Variants in RYR3 observed in about 807,000 individuals in gnomAD.
RYR3 encodes the protein brain ryanodine receptor-calcium release channel.
In RYR3, 207 loss-of-function variants were observed where a neutral mutation model predicts 584.3. The ratio of observed to expected loss-of-function variants is 0.35; its 90% CI spans 0.32 to 0.40. RYR3 has a LOEUF of 0.40. Ranked by LOEUF, RYR3 falls within the 10% of genes least tolerant of loss-of-function variation. The pLI, the probability that RYR3 is intolerant of heterozygous loss-of-function variation, is 1.00. For synonymous variants in RYR3, 2,416 were observed against 2,248.5 expected, an observed-to-expected ratio of 1.07 and a Z score of -2.11; for missense variants, 5,616 against 6,089.2, an observed-to-expected ratio of 0.92 and a Z score of 2.59.
chr15:33,660,358 C>T lies in RYR3; in HGVS notation c.4557C>T (p.His1519=), dbSNP rs757477191. The change falls in exon 34 of 104, where the codon CAC becomes CAT. Residue 1519 remains histidine, a synonymous_variant. Transcript: ENST00000634891. ...AGACCGAGCGTGTGAGCGAGCGCCA[C>T]GGCTGGGTGGTGCAGTGCCTGGAGC... is the stretch of plus-strand genomic sequence containing the variant. ...KVETERVSER[H]GWVVQCLEPL... 43 of 1,591,346 alleles carry T rather than the reference C, an allele frequency of 2.7e-5. No individual in the cohort carries two copies. The highest frequency in any genetic ancestry group is 4.0e-5 in the African/African-American group (3 of 74,524).
Position 33,547,988 on chromosome 15 carries a change from C to G in RYR3, c.741-142C>G, listed in dbSNP as rs533362059. 7.7e-6 allele frequency: 5 copies of G among 650,678 alleles called. No individual in the cohort carries two copies. The African/African-American group carries it at 9.3e-5, about 12-fold the overall frequency. 40.3% of individuals were successfully genotyped at this position (650,678 alleles called of 1,614,324 possible). On this transcript the variant is annotated intron_variant, in intron 8 of 103. Transcript: ENST00000634891. ...GAGAGACTGGGAAACTGTCTTCCCT[C>G]TTATTCTGGCTTTGCATTCTGCTGA... is the stretch of plus-strand genomic sequence containing the variant.
At position 33,859,858 on chromosome 15, in the gene RYR3, C is replaced by G. The variant is rs1288253170; in HGVS notation, c.14299+127C>G. On this transcript the variant is annotated intron_variant, in intron 100 of 103. Transcript: ENST00000634891. ...CATTTACTTGTTAATTTAGCAAGAA[C>G]TAATTTAGCATCTACTATACCTGAG... The G allele has an allele frequency of 4.7e-6, 5 of 1,055,612 alleles. No individual in the cohort carries two copies. In the East Asian group the frequency reaches 1.0e-4, roughly 22 times the overall value. The allele number at this position is 1,055,612 out of a possible 1,614,324, so 65.4% of individuals were successfully genotyped here.
In RYR3 at chr15:33,566,735, C is replaced by A; in HGVS notation, c.1204C>A (p.Arg402Ser). 2 of 1,613,734 alleles carry A rather than the reference C, an allele frequency of 1.2e-6. No homozygotes were observed. Among genetic ancestry groups the A allele is most frequent in the Non-Finnish European group, 1.7e-6 (2 of 1,179,690 alleles). Residue 402 changes from arginine to serine, a missense_variant, in exon 12 of 104, where the codon CGT (arginine) becomes AGT (serine). Transcript: ENST00000634891. ...TGGATTAACACTGCAGAGATGCCAG[C>A]GTGAGGAGTCCCAGGCTGCTCGGAT... Reference protein sequence around the residue: ...DDGLTLQRCQREESQAARIIR... With the variant: ...DDGLTLQRCQSEESQAARIIR...
chr15:33,742,591 C>G, intron 52 of RYR3, 147 bp downstream of exon 52: 1 of 628,802 alleles, frequency 1.6e-6, no homozygotes, highest in Non-Finnish European at 2.8e-6. Flanking sequence ...CAGCAATTTC[C>G]CAGGGTTGGT....
intron 1 of RYR3, among the ~76,000 whole-genome samples, chr15:33,414,043 T>C (rs1178010856): frequency 2.0e-5 from 3 of 152,232 alleles, no homozygotes; most frequent in Non-Finnish European, 4.4e-5. Flanking sequence ...AACATTAAAA[T>C]GTATATCAAA....
At chr15:33,763,011 A>AT (rs1443360216) in intron 60 of RYR3, among the ~76,000 whole-genome samples, 5 of 152,214 alleles carry the variant, frequency 3.3e-5, no homozygotes, top group Non-Finnish European at 7.3e-5. Context: ...AAAACAAGCA[A>AT]TGGGGAAAGG....
At chr15:33,455,193 G>A (rs924322237) in intron 1 of RYR3, among the ~76,000 whole-genome samples, 5 of 152,148 alleles carry the variant, frequency 3.3e-5, no homozygotes, top group Non-Finnish European at 5.9e-5. Context: ...ACCTGTCACC[G>A]TGCAGGGAGG....
intron 1 of RYR3, among the ~76,000 whole-genome samples, chr15:33,403,303 G>T (rs1028771689): frequency 6.6e-6 from 1 of 152,174 alleles, no homozygotes; most frequent in Non-Finnish European, 1.5e-5. Context: ...TACCTTTAGT[G>T]AAATTAACAA....
At chr15:33,517,410 T>TG (rs1407271954) in intron 3 of RYR3, among the ~76,000 whole-genome samples, 1 of 152,236 alleles carries the variant, frequency 6.6e-6, no homozygotes, top group Non-Finnish European at 1.5e-5. Context: ...AACACTACAT[T>TG]GGAAACTCGC....
chr15:33,346,593 G>T (rs1972489465), intron 1 of RYR3, among the ~76,000 whole-genome samples: 1 of 152,194 alleles, frequency 6.6e-6, no homozygotes, highest in African/African-American at 2.4e-5. Context: ...CTGGTATTCT[G>T]TATCTACTGT....
In RYR3 at chr15:33,662,760, C is replaced by T. The variant is rs371562140; in HGVS notation, c.5230C>T (p.Arg1744Trp). ...GGGCGTGTTTGATGATGATGATGTT[C>T]GGCAGATCCTCCTCCTGATTGATCC... The part of the protein sequence containing the change: ...VMGVFDDDDV[R>W]QILLLIDPSV... The change falls in exon 35 of 104, where the codon CGG becomes TGG. Residue 1744 changes from arginine (R) to tryptophan (W), a missense_variant. Arg to Trp is a moderately radical substitution (Grantham distance 101). Coordinates refer to ENST00000634891, the MANE Select transcript of RYR3 (RefSeq NM_001036.6). 1.6e-5 allele frequency: 26 copies of T among 1,613,850 alleles called. No homozygotes were observed. Among genetic ancestry groups the T allele is most frequent in the African/African-American group, 8.0e-5 (6 of 74,852 alleles).
At chr15:33,347,019 T>C (rs1419619267) in intron 1 of RYR3, among the ~76,000 whole-genome samples, 1 of 152,102 alleles carries the variant, frequency 6.6e-6, no homozygotes, top group African/African-American at 2.4e-5. Context: ...GCTGGGAGTA[T>C]GTGTTTTGGG....
intron 2 of RYR3, among the ~76,000 whole-genome samples, chr15:33,497,585 TA>T (rs1263277820): frequency 6.6e-6 from 1 of 152,224 alleles, no homozygotes; most frequent in Admixed American, 6.5e-5. Context: ...TCTGTCTTTT[TA>T]AAATTGGCAC....
At chr15:33,513,419 G>A (rs1290547286) in intron 3 of RYR3, among the ~76,000 whole-genome samples, 1 of 152,174 alleles carries the variant, frequency 6.6e-6, no homozygotes, top group Admixed American at 6.5e-5. Context: ...GCCACTATCT[G>A]GTTTTAGAAT....
At chr15:33,350,458 T>C (rs1482660176) in intron 1 of RYR3, among the ~76,000 whole-genome samples, 1 of 151,604 alleles carries the variant, frequency 6.6e-6, no homozygotes, top group Non-Finnish European at 1.5e-5. Context: ...AGAATATACA[T>C]TTTTTTCAGC....
Position 33,543,640 on chromosome 15 carries a change from A to AT in RYR3, c.666dup (p.Val223CysfsTer9), listed in dbSNP as rs771746046. ...CTTACAGGATACCTACTTGGTGGGC[A>AT]TGTAGTACGTCTTTTCCATGGTCAT... is the stretch of plus-strand genomic sequence containing the variant. On this transcript the variant is annotated frameshift_variant, in exon 8 of 104. Coordinates refer to ENST00000634891, the MANE Select transcript of RYR3 (RefSeq NM_001036.6). LOFTEE classifies it high-confidence loss of function. The AT allele has an allele frequency of 1.2e-6, 2 of 1,609,782 alleles. No homozygotes were observed. Among genetic ancestry groups the AT allele is most frequent in the Non-Finnish European group, 1.7e-6 (2 of 1,176,144 alleles).
rs749941098 is a variant in RYR3, at chr15:33,848,373, C to G, written c.13580C>G (p.Ser4527Cys). 2 of 1,613,616 alleles carry G rather than the reference C, an allele frequency of 1.2e-6. No individual in the cohort carries two copies. Among genetic ancestry groups the G allele is most frequent in the African/African-American group, 2.7e-5 (2 of 74,916 alleles). The change falls in exon 94 of 104, where the codon TCT (serine) becomes TGT (cysteine). Residue 4527 changes from serine (S) to cysteine (C), a missense_variant. This residue lies in a region of RYR3 where 918 missense variants were observed against 887.4 expected (regional missense o/e 1.03). Coordinates refer to ENST00000634891, the MANE Select transcript of RYR3 (RefSeq NM_001036.6). Reference sequence around the variant, plus strand: ...GGCCTATATATCACCGAACAGCCATCTGAAGATGACATCAAGGGGCAGTGG... The same window carrying G: ...GGCCTATATATCACCGAACAGCCATGTGAAGATGACATCAAGGGGCAGTGG... ...FDGLYITEQP[S>C]EDDIKGQWDR...
Position 33,601,419 on chromosome 15 carries a change from G to T in RYR3, c.1789G>T (p.Val597Phe). 1 of 1,612,136 alleles carries T rather than the reference G, an allele frequency of 6.2e-7. No homozygotes were observed. The highest frequency in any genetic ancestry group is 1.1e-5 in the South Asian group (1 of 90,448). Residue 597 changes from valine to phenylalanine, a missense_variant and splice_region_variant, in exon 17 of 104, where the codon GTT becomes TTT. By Grantham distance (50) the Val-to-Phe change is conservative. Coordinates refer to ENST00000634891, the MANE Select transcript of RYR3 (RefSeq NM_001036.6). ...GTTTGGTGGGTGTGTCCTGCTGCAG[G>T]TTCTGGATATCCTGTGCTCCCTCTG... ...LLDKHGRNHKVLDILCSLCLC... is the reference protein window; with the variant it reads ...LLDKHGRNHKFLDILCSLCLC...
Position 33,336,489 on chromosome 15 carries a change from AG to A in RYR3, c.51+25394del, listed in dbSNP as rs1319939191. Among the ~76,000 whole-genome samples the A allele has an allele frequency of 1.0e-4, 2 of 19,832 alleles. 1 individual carries two copies. Among genetic ancestry groups the A allele is most frequent in the Non-Finnish European group, 1.7e-4 (2 of 11,590 alleles). 13.0% of individuals were successfully genotyped at this position (19,832 alleles called of 152,430 possible). Reference sequence around the variant, plus strand: ...GAGAGAGAGAGAGAGAGAGAGAGAAAGAAAGAAAGAAAGAAGGAGGGAAGGA... The same window carrying A: ...GAGAGAGAGAGAGAGAGAGAGAGAAAAAAGAAAGAAAGAAGGAGGGAAGGA... On this transcript the variant is annotated intron_variant, in intron 1 of 103. Coordinates refer to ENST00000634891, the MANE Select transcript of RYR3 (RefSeq NM_001036.6).
Sources: allele counts gnomAD v4.1 joint callset (sites outside exome capture counted in the v4.1 genomes callset), GRCh38; gene constraint gnomAD v4.1.1; regional missense constraint gnomAD v4.1.1; transcripts MANE v1.5; gene names NCBI Gene and HGNC (gene_info 2026-07-23, HGNC 2026-07-21).